The following PTPRD variants were observed in gnomAD, a reference collection of about 807,000 sequenced individuals.
PTPRD encodes the protein protein tyrosine phosphatase receptor type D, also known as receptor-type tyrosine-protein phosphatase delta.
PTPRD carries 34 observed loss-of-function variants against 214.5 expected under a neutral mutation model. The observed-to-expected ratio is 0.16, with a 90% CI of 0.12 to 0.21. PTPRD has a LOEUF of 0.21. PTPRD is among the 10% of genes least tolerant of loss of function. The pLI is 1.00. For synonymous variants in PTPRD, 1,128 were observed against 845.7 expected, an observed-to-expected ratio of 1.33 and a Z score of -5.79; for missense variants, 2,545 against 2,398.7, an observed-to-expected ratio of 1.06 and a Z score of -1.27.
intron 34 of PTPRD, among the ~76,000 whole-genome samples, chr9:8,440,516 T>C (rs546991206): frequency 6.1e-4 from 93 of 152,304 alleles, no homozygotes; most frequent in Middle Eastern, 3.4e-3. Flanking sequence ...GGTTTCACCA[T>C]GTTGGTCAGG....
At chr9:10,574,197 A>ATGTG (rs57331096) in intron 2 of PTPRD, among the ~76,000 whole-genome samples, 5,273 of 150,240 alleles carry the variant, frequency 0.035, 182 homozygotes, top group African/African-American at 0.092. Flanking sequence ...GAAATGATAG[A>ATGTG]TGTGTGTGTG....
chr9:8,838,752 A>C (rs1428236654), intron 11 of PTPRD, among the ~76,000 whole-genome samples: 1 of 152,118 alleles, frequency 6.6e-6, no homozygotes, highest in Non-Finnish European at 1.5e-5. Context: ...TGGTCAGTGA[A>C]TACTTTCAGA....
chr9:9,810,994 T>C (rs2046963338), intron 5 of PTPRD, among the ~76,000 whole-genome samples: 1 of 151,788 alleles, frequency 6.6e-6, no homozygotes, highest in Non-Finnish European at 1.5e-5. Context: ...TCCCAACACT[T>C]TGGGAGGCCT....
intron 9 of PTPRD, among the ~76,000 whole-genome samples, chr9:9,212,753 T>A (rs2099949603): frequency 1.3e-5 from 2 of 152,150 alleles, no homozygotes; most frequent in Non-Finnish European, 2.9e-5. Context: ...CTCAAGACGA[T>A]TCCTACTGAG....
At chr9:9,805,464 T>C (rs983634555) in intron 5 of PTPRD, among the ~76,000 whole-genome samples, 2 of 152,170 alleles carry the variant, frequency 1.3e-5, no homozygotes, top group Admixed American at 1.3e-4. Flanking sequence ...ATCAACTCTG[T>C]ACCAGCTCAG....
chr9:10,420,497 A>G (rs1158395193), intron 2 of PTPRD, among the ~76,000 whole-genome samples: 1 of 151,726 alleles, frequency 6.6e-6, no homozygotes, highest in African/African-American at 2.4e-5. Context: ...TCTCTTGCTG[A>G]GCAATTACTC....
intron 21 of PTPRD, among the ~76,000 whole-genome samples, chr9:8,511,873 C>G (rs2097689609): frequency 6.6e-6 from 1 of 151,954 alleles, no homozygotes; most frequent in Non-Finnish European, 1.5e-5. Context: ...TTGAGTATTA[C>G]TATAATTACA....
chr9:10,330,074 T>A (rs559250966), intron 3 of PTPRD, among the ~76,000 whole-genome samples: 1 of 151,858 alleles, frequency 6.6e-6, no homozygotes, highest in African/African-American at 2.4e-5. Flanking sequence ...GTGCTTTTTT[T>A]ATTTCATCTA....
At chr9:8,844,469 T>A (rs1268482431) in intron 11 of PTPRD, among the ~76,000 whole-genome samples, 3 of 152,102 alleles carry the variant, frequency 2.0e-5, no homozygotes, top group Non-Finnish European at 4.4e-5. Flanking sequence ...CAGTTTGGTA[T>A]ACTTTTTAAA....
intron 12 of PTPRD, among the ~76,000 whole-genome samples, chr9:8,706,216 T>C (rs1306052179): frequency 1.3e-5 from 2 of 152,186 alleles, no homozygotes; most frequent in Admixed American, 6.5e-5. Flanking sequence ...GGGATCTTGA[T>C]CAAACCAAGC....
chr9:9,437,673 A>G (rs542610911), intron 8 of PTPRD, among the ~76,000 whole-genome samples: 1 of 152,210 alleles, frequency 6.6e-6, no homozygotes, highest in East Asian at 1.9e-4. Flanking sequence ...TTAAAGATAA[A>G]CAGATTGTGG....
At chr9:8,904,155 A>G (rs1174827197) in intron 11 of PTPRD, among the ~76,000 whole-genome samples, 6 of 152,168 alleles carry the variant, frequency 3.9e-5, no homozygotes, top group Non-Finnish European at 5.9e-5. Context: ...TCTTTCCTAA[A>G]ACATTTGTGA....
At chr9:9,604,960 T>C (rs575740896) in intron 7 of PTPRD, among the ~76,000 whole-genome samples, 130 of 152,152 alleles carry the variant, frequency 8.5e-4, no homozygotes, top group African/African-American at 2.9e-3. Flanking sequence ...CTGATATTAT[T>C]TGTGTAAAAT....
At chr9:8,681,550 C>G (rs1565234707) in intron 12 of PTPRD, among the ~76,000 whole-genome samples, 2 of 152,122 alleles carry the variant, frequency 1.3e-5, no homozygotes, top group Non-Finnish European at 2.9e-5. Flanking sequence ...ATCTGTACCT[C>G]CTCCCCATCT....
At chr9:8,651,090 A>G (rs1361155292) in intron 12 of PTPRD, among the ~76,000 whole-genome samples, 4 of 152,204 alleles carry the variant, frequency 2.6e-5, no homozygotes, top group African/African-American at 9.7e-5. Flanking sequence ...TTACATATTA[A>G]GTCCATCTTT....
intron 14 of PTPRD, among the ~76,000 whole-genome samples, chr9:8,586,575 A>G (rs1263547862): frequency 6.6e-6 from 1 of 152,100 alleles, no homozygotes; most frequent in African/African-American, 2.4e-5. Flanking sequence ...AAATATTCAA[A>G]AGTTGAGGCC....
intron 10 of PTPRD, among the ~76,000 whole-genome samples, chr9:9,172,519 T>C (rs1028734466): frequency 6.6e-6 from 1 of 152,150 alleles, no homozygotes; most frequent in Non-Finnish European, 1.5e-5. Context: ...TATCTCGGGC[T>C]CTGTGTTTCC....
intron 9 of PTPRD, among the ~76,000 whole-genome samples, chr9:9,380,702 T>C (rs567312945): frequency 2.6e-4 from 39 of 152,296 alleles, no homozygotes; most frequent in African/African-American, 9.1e-4. Context: ...ATCCAATTGA[T>C]GGATAGCGTT....
At chr9:10,495,698 C>T (rs2041846794) in intron 2 of PTPRD, among the ~76,000 whole-genome samples, 3 of 151,702 alleles carry the variant, frequency 2.0e-5, no homozygotes, top group Admixed American at 2.0e-4. Context: ...AACATAGAGA[C>T]TGTATGAAAC....
Sources: gnomAD v4.1 joint callset for allele counts (sites outside exome capture counted in the v4.1 genomes callset) on GRCh38, gnomAD v4.1.1 for gene constraint, MANE v1.5 for transcripts, NCBI Gene and HGNC (gene_info 2026-07-23, HGNC 2026-07-21) for gene names.